Variants in PARD3B observed in about 807,000 individuals in gnomAD.
PARD3B encodes the protein partitioning defective 3 homolog B.
PARD3B carries 103 observed loss-of-function variants against 130.2 expected under a neutral mutation model. That is an observed-to-expected ratio of 0.79 (90% confidence interval 0.67 to 0.93). The LOEUF is 0.93. Among genes scored for constraint, PARD3B ranks in the 40% least tolerant of loss-of-function variants. The pLI is 0.00. For missense variants in PARD3B, 1,609 were observed against 1,499.2 expected (o/e 1.07, Z -1.21); for synonymous variants, 583 against 553.2 (o/e 1.05, Z -0.76).
At chr2:204,938,267 G>A (rs1046671491) in intron 2 of PARD3B, among the ~76,000 whole-genome samples, 5 of 152,192 alleles carry the variant, frequency 3.3e-5, no homozygotes, top group Admixed American at 1.3e-4. Context: ...CCTCCTGTGG[G>A]CCACTGAGTT....
rs3077829 is a variant in PARD3B at position 205,575,084 on chromosome 2, G to GACACACACACACAC, written c.3260+21698_3260+21711dup. On this transcript the variant is annotated intron_variant, in intron 22 of 22. Transcript: ENST00000406610. The surrounding 1 kb of genome is among the most constrained non-coding windows in gnomAD (Gnocchi z 4.6). ...AATACATTATATACACATTTAAATA[G>GACACACACACACAC]ACACACACACACACACACACACACA... Among the ~76,000 whole-genome samples, 7 of 128,580 alleles carry GACACACACACACAC rather than the reference G, an allele frequency of 5.4e-5. No homozygotes were observed. The highest frequency in any genetic ancestry group is 1.9e-4 in the African/African-American group (7 of 37,790). The allele number at this position is 128,580 out of a possible 152,430, so 84.4% of individuals were successfully genotyped here.
chr2:204,605,671 C>T (rs1449929479), intron 1 of PARD3B, among the ~76,000 whole-genome samples: 1 of 152,000 alleles, frequency 6.6e-6, no homozygotes, highest in Non-Finnish European at 1.5e-5. Context: ...TTTGCGTGAC[C>T]TTGGGCAGTG....
intron 22 of PARD3B, among the ~76,000 whole-genome samples, chr2:205,609,752 T>A (rs1199973434): frequency 6.6e-6 from 1 of 152,238 alleles, no homozygotes; most frequent in South Asian, 2.1e-4. Context: ...TTTCTTCACA[T>A]ACTAAACTCA....
chr2:205,343,786 C>A (rs1236078435), intron 18 of PARD3B, among the ~76,000 whole-genome samples: 1 of 151,854 alleles, frequency 6.6e-6, no homozygotes, highest in Admixed American at 6.6e-5. Context: ...ACCACCACCC[C>A]CCACCCACAA....
At chr2:205,019,773 G>A (rs546855818) in intron 3 of PARD3B, among the ~76,000 whole-genome samples, 15 of 152,208 alleles carry the variant, frequency 9.9e-5, no homozygotes, top group East Asian at 3.9e-4. Context: ...CAACAAAGGC[G>A]GAAACTTTGT....
intron 2 of PARD3B, among the ~76,000 whole-genome samples, chr2:204,763,834 G>A (rs2125413431): frequency 6.6e-6 from 1 of 152,186 alleles, no homozygotes; most frequent in Non-Finnish European, 1.5e-5. Context: ...TTTTTATTTT[G>A]GAAAGATAAT....
chr2:204,792,801 C>G (rs1480898098), intron 2 of PARD3B, among the ~76,000 whole-genome samples: 4 of 152,150 alleles, frequency 2.6e-5, no homozygotes, highest in Non-Finnish European at 5.9e-5. Flanking sequence ...TGTGTTTCAG[C>G]TAATTTCGAT....
chr2:205,342,480 G>C (rs1249614169), intron 18 of PARD3B, among the ~76,000 whole-genome samples: 2 of 152,126 alleles, frequency 1.3e-5, no homozygotes, highest in African/African-American at 4.8e-5. Context: ...AAATTACCTT[G>C]AATATGAAGT....
chr2:205,428,249 G>A (rs1361288206), intron 19 of PARD3B, among the ~76,000 whole-genome samples: 1 of 152,132 alleles, frequency 6.6e-6, no homozygotes, highest in Non-Finnish European at 1.5e-5. Context: ...GCCAGATGGT[G>A]TGCACCTGTA....
At chr2:204,579,400 C>T (rs534180481) in intron 1 of PARD3B, among the ~76,000 whole-genome samples, 51 of 151,930 alleles carry the variant, frequency 3.4e-4, no homozygotes, top group African/African-American at 1.2e-3. Flanking sequence ...CCAGGGAGCG[C>T]GAGGAATGAT....
chr2:205,006,899 C>T (rs1392819948), intron 3 of PARD3B, among the ~76,000 whole-genome samples: 2 of 152,092 alleles, frequency 1.3e-5, no homozygotes, highest in Admixed American at 1.3e-4. Context: ...AACCAATGTC[C>T]AGAAGCATTT....
At chr2:205,106,899 G>A (rs1425271085) in intron 5 of PARD3B, among the ~76,000 whole-genome samples, 4 of 152,158 alleles carry the variant, frequency 2.6e-5, no homozygotes, top group African/African-American at 9.7e-5. Flanking sequence ...GGAGGTTACA[G>A]TTCTAAGACA....
chr2:204,564,868 GA>G (rs1268907378), intron 1 of PARD3B, among the ~76,000 whole-genome samples: 1 of 152,186 alleles, frequency 6.6e-6, no homozygotes, highest in Non-Finnish European at 1.5e-5. Flanking sequence ...TATACTACAT[GA>G]AAATTCAGTA....
rs528068067 is a variant in PARD3B, at chr2:205,270,506, G to A, written c.2185+24684G>A. On this transcript the variant is annotated intron_variant, in intron 16 of 22. Transcript: ENST00000406610. ...CGCTTGAACCCGGGAGGCGGAGGTT[G>A]CAGTGAGCCAAGATCATGCCACCAC... is the stretch of plus-strand genomic sequence containing the variant. 1.3e-3 allele frequency among the ~76,000 whole-genome samples: 190 copies of A among 151,972 alleles called. 1 individual carries two copies. Among genetic ancestry groups the A allele is most frequent in the African/African-American group, 4.3e-3 (178 of 41,426 alleles).
At chr2:205,249,217 C>T (rs1334466983) in intron 16 of PARD3B, among the ~76,000 whole-genome samples, 3 of 146,582 alleles carry the variant, frequency 2.0e-5, no homozygotes, top group Non-Finnish European at 1.5e-5. Flanking sequence ...CTAAGAGTCT[C>T]TCGCTCTTTC....
chr2:205,480,344 G>A (rs2049186259), intron 20 of PARD3B, among the ~76,000 whole-genome samples: 1 of 152,188 alleles, frequency 6.6e-6, no homozygotes, highest in Non-Finnish European at 1.5e-5. Flanking sequence ...TAGATTAAAA[G>A]AAAGAGGACT....
intron 15 of PARD3B, among the ~76,000 whole-genome samples, chr2:205,236,020 G>A (rs2039047420): frequency 6.6e-6 from 1 of 152,126 alleles, no homozygotes; most frequent in Admixed American, 6.5e-5. Flanking sequence ...TGAGAGAGGG[G>A]ACATCAGTAC....
intron 4 of PARD3B, among the ~76,000 whole-genome samples, chr2:205,098,088 C>A (rs912092133): frequency 1.3e-5 from 2 of 152,012 alleles, no homozygotes; most frequent in African/African-American, 4.8e-5. Flanking sequence ...AAAGTAAAAA[C>A]AAATATTCTG....
At chr2:205,037,537 C>G (rs1698082212) in intron 3 of PARD3B, among the ~76,000 whole-genome samples, 2 of 146,640 alleles carry the variant, frequency 1.4e-5, no homozygotes, top group South Asian at 4.3e-4. Flanking sequence ...ATATAGTGTA[C>G]TATACATATG....
Sources: allele counts gnomAD v4.1 joint callset (sites outside exome capture counted in the v4.1 genomes callset), GRCh38; gene constraint gnomAD v4.1.1; non-coding constraint Gnocchi (gnomAD v3.1); transcripts MANE v1.5; gene names NCBI Gene and HGNC (gene_info 2026-07-23, HGNC 2026-07-21).